The following BTN3A2 variants were observed in gnomAD, a reference collection of about 807,000 sequenced individuals.
BTN3A2 encodes the protein butyrophilin subfamily 3 member A2.
BTN3A2 carries 25 observed loss-of-function variants against 37.6 expected under a neutral mutation model. That is an observed-to-expected ratio of 0.66 (90% CI 0.48 to 0.93). The LOEUF (loss-of-function observed/expected upper bound fraction) is 0.93. Ranked by LOEUF, BTN3A2 falls within the 40% of genes least tolerant of loss-of-function variation. The probability of loss-of-function intolerance (pLI) is 0.00; values close to 1 mark genes in which losing one functional copy is unlikely to be tolerated. For missense variants in BTN3A2, 266 were observed against 410.9 expected (o/e 0.65, Z 3.05); for synonymous variants, 122 against 159.4 (o/e 0.77, Z 1.77).
In BTN3A2 at chr6:26,368,566, T is replaced by C. The variant is rs1759764670; in HGVS notation, c.87T>C (p.Ala29=). 1.9e-6 allele frequency: 3 copies of C among 1,613,952 alleles called. No individual in the cohort carries two copies. The highest frequency in any genetic ancestry group is 2.5e-6 in the Non-Finnish European group (3 of 1,179,848). Reference sequence around the variant, plus strand: ...GGAGCTTCCCCCTTGTGCTGACAGCTCAGTTTTCTGTGCTTGGACCCTCTG... The same window carrying C: ...GGAGCTTCCCCCTTGTGCTGACAGCCCAGTTTTCTGTGCTTGGACCCTCTG... ...LLVQLLTPCS[A]QFSVLGPSGP... is the part of the protein sequence containing the mutation. The change falls in exon 4 of 11, where the codon GCT becomes GCC. Residue 29 remains alanine, a splice_region_variant and synonymous_variant. Transcript: ENST00000377708.
intron 8 of BTN3A2, 104 bp from the exon 9 acceptor site, chr6:26,374,201 TAAAAAAAAAAAAAAAAAAAAAA>T (rs34655395): frequency 0.015 from 3,701 of 246,342 alleles, 47 homozygotes; most frequent in Non-Finnish European, 0.017. Context: ...GGTGGGATGG[TAAAAAAAAAAAAAAAAAAAAAA>T]AAAAAAAAAA....
rs1197002430 is a variant in BTN3A2, at chr6:26,370,542, A to G, written c.654A>G (p.Val218=). ...TGAGAGGCGGCTCCGGGGAGGGTGT[A>G]TCCTGCATCATCAGAAATTCCCTCC... The part of the protein sequence containing the change: ...VIMRGGSGEG[V]SCIIRNSLLG... The change falls in exon 5 of 11, where the codon GTA becomes GTG. Residue 218 remains valine (V), a synonymous_variant. Coordinates refer to ENST00000377708, the MANE Select transcript of BTN3A2 (RefSeq NM_007047.5). 1 of 1,614,218 alleles carries G rather than the reference A, an allele frequency of 6.2e-7. No individual in the cohort carries two copies. The highest frequency in any genetic ancestry group is 1.7e-5 in the Admixed American group (1 of 60,024).
At position 26,378,194 on chromosome 6, in the gene BTN3A2, G is replaced by A. The variant is rs1286556122; in HGVS notation, c.*2432G>A. On this transcript the variant is annotated 3_prime_UTR_variant, in exon 11 of 11. Coordinates refer to ENST00000377708, the MANE Select transcript of BTN3A2 (RefSeq NM_007047.5). The stretch of plus-strand genomic sequence containing the variant: ...TAAACCCATATTCCTTTCAACTGCT[G>A]CCTGCTAGGGAAAACTGCTCCTCAT... 1.3e-5 allele frequency: 2 copies of A among 151,940 alleles called. No individual in the cohort carries two copies. Among genetic ancestry groups the A allele is most frequent in the African/African-American group, 4.8e-5 (2 of 41,244 alleles). The allele number at this position is 151,940 out of a possible 1,614,324, so 9.4% of individuals were successfully genotyped here.
chr6:26,368,367 C>A (rs947729581), intron 3 of BTN3A2, 100 bp downstream of exon 3: 19 of 1,529,150 alleles, frequency 1.2e-5, no homozygotes, highest in Admixed American at 1.8e-5. Context: ...CCTCTTAGAA[C>A]CTTTAACTCA....
intron 10 of BTN3A2, chr6:26,375,398 C>T: frequency 2.4e-6 from 1 of 425,210 alleles, no homozygotes; most frequent in Non-Finnish European, 4.3e-6. Flanking sequence ...AACGAGGGAG[C>T]TTCCTGAGAA....
In BTN3A2 at chr6:26,374,712, G is replaced by A. The variant is rs980205023; in HGVS notation, c.*7-59G>A. The A allele has an allele frequency of 2.7e-6, 4 of 1,457,040 alleles. No homozygotes were observed. The African/African-American group carries it at 4.2e-5, about 15-fold the overall frequency. 90.3% of individuals were successfully genotyped at this position (1,457,040 alleles called of 1,614,324 possible). A position where few individuals can be genotyped will look rare whatever the true frequency, so the allele number is the denominator to read the frequency against. ...AGAAAACATGTAGTGAGAGGAGAAT[G>A]GAGTGGGAAAAGTACAAAAATACTG... On this transcript the variant is annotated intron_variant, in intron 9 of 10. Coordinates refer to ENST00000377708, the MANE Select transcript of BTN3A2 (RefSeq NM_007047.5).
rs772841912 is a variant in BTN3A2, at chr6:26,370,616, T to C, written c.715+13T>C. The C allele has an allele frequency of 6.2e-7, 1 of 1,613,642 alleles. No homozygotes were observed. Among genetic ancestry groups the C allele is most frequent in the East Asian group, 2.2e-5 (1 of 44,872 alleles). On this transcript the variant is annotated intron_variant, in intron 5 of 10. Transcript: ENST00000377708. ...ATTTCCATCGCAGGTCAGTACCTGC[T>C]TGGCCTCAGGTTTTCTGAGCTGAGC...
chr6:26,366,940 A>C (rs1759566051), intron 1 of BTN3A2, among the ~76,000 whole-genome samples: 1 of 152,246 alleles, frequency 6.6e-6, no homozygotes, highest in Non-Finnish European at 1.5e-5. Flanking sequence ...AAAATTTTAA[A>C]CTTAAAGCAT....
At chr6:26,367,838 T>C (rs921983329) in intron 1 of BTN3A2, 152 bp from the exon 2 acceptor site, 11 of 287,336 alleles carry the variant, frequency 3.8e-5, no homozygotes, top group Middle Eastern at 1.3e-3. Context: ...GGGAATCCAG[T>C]GAAGAGGGTC....
intron 4 of BTN3A2, among the ~76,000 whole-genome samples, chr6:26,369,451 T>C (rs2113685634): frequency 6.6e-6 from 1 of 152,218 alleles, no homozygotes. Context: ...AGAGCAGACT[T>C]GGTATACAAT....
chr6:26,374,027 A>G (rs1391830557), intron 8 of BTN3A2: 5 of 339,162 alleles, frequency 1.5e-5, no homozygotes, highest in Non-Finnish European at 2.6e-5. Context: ...AGACATGGTG[A>G]CACCTATGCC....
In BTN3A2 at chr6:26,378,154, G is replaced by C. The variant is rs576853637; in HGVS notation, c.*2392G>C. 1 of 152,200 alleles carries C rather than the reference G, an allele frequency of 6.6e-6. No homozygotes were observed. Among genetic ancestry groups the C allele is most frequent in the Non-Finnish European group, 1.5e-5 (1 of 68,036 alleles). The allele number at this position is 152,200 out of a possible 1,614,324, so 9.4% of individuals were successfully genotyped here. A position where few individuals can be genotyped will look rare whatever the true frequency, so the allele number is the denominator to read the frequency against. ...CTGGAAAAGGATCTGTCCACTCCTG[G>C]TCATTGGTGGATGTTAAACCCATAT... is the stretch of plus-strand genomic sequence containing the variant. On this transcript the variant is annotated 3_prime_UTR_variant, in exon 11 of 11. Transcript: ENST00000377708.
chr6:26,375,393 G>A, intron 10 of BTN3A2: 1 of 424,068 alleles, frequency 2.4e-6, no homozygotes, highest in Non-Finnish European at 4.3e-6. Flanking sequence ...AGCTTAACGA[G>A]GGAGCTTCCT....
chr6:26,366,138 A>G (rs1443075014), intron 1 of BTN3A2, among the ~76,000 whole-genome samples: 2 of 152,132 alleles, frequency 1.3e-5, no homozygotes, highest in African/African-American at 4.8e-5. Flanking sequence ...CTGTGAGCCT[A>G]CTCTGACTCA....
chr6:26,375,014 G>A, intron 10 of BTN3A2: 2 of 446,402 alleles, frequency 4.5e-6, no homozygotes, highest in Admixed American at 3.9e-5. Flanking sequence ...AGGAGAGGAG[G>A]TGATGCCTGC....
chr6:26,375,423 T>C (rs1760620794), intron 10 of BTN3A2: 4 of 486,714 alleles, frequency 8.2e-6, no homozygotes, highest in Non-Finnish European at 3.7e-6. Context: ...CCTCGGGCCT[T>C]GTTAGAGCAC....
At position 26,366,931 on chromosome 6, in the gene BTN3A2, A is replaced by G. The variant is rs540060922; in HGVS notation, c.-66-1059A>G. On this transcript the variant is annotated intron_variant, in intron 1 of 10. Coordinates refer to ENST00000377708, the MANE Select transcript of BTN3A2 (RefSeq NM_007047.5). ...TAATTAGTTATTAACTAATACATGAAAATTTTAAACTTAAAGCATTCCAAT... is the reference window on the plus strand; with the variant it reads ...TAATTAGTTATTAACTAATACATGAGAATTTTAAACTTAAAGCATTCCAAT... Among the ~76,000 whole-genome samples, 212 of 152,232 alleles carry G rather than the reference A, an allele frequency of 1.4e-3. 1 individual carries two copies. Among genetic ancestry groups the G allele is most frequent in the Non-Finnish European group, 2.4e-3 (162 of 68,040 alleles).
At chr6:26,367,416 C>T (rs756887479) in intron 1 of BTN3A2, among the ~76,000 whole-genome samples, 5 of 152,132 alleles carry the variant, frequency 3.3e-5, no homozygotes, top group Admixed American at 6.5e-5. Context: ...GTCTCATACT[C>T]GATATTTTTG....
intron 7 of BTN3A2, 39 bp from the exon 8 acceptor site, chr6:26,373,348 G>A: frequency 6.3e-7 from 1 of 1,590,910 alleles, no homozygotes; most frequent in Non-Finnish European, 8.5e-7. Context: ...TCCTCGCTTT[G>A]AGCACCTTGA....
Sources: allele counts gnomAD v4.1 joint callset (sites outside exome capture counted in the v4.1 genomes callset), GRCh38; gene constraint gnomAD v4.1.1; transcripts MANE v1.5; gene names NCBI Gene and HGNC (gene_info 2026-07-23, HGNC 2026-07-21).